Variants in PTPRD observed in about 807,000 individuals in gnomAD.
PTPRD encodes protein tyrosine phosphatase receptor type D, also known as receptor-type tyrosine-protein phosphatase delta.
Under a neutral mutation model 214.5 loss-of-function variants are expected in PTPRD, and 34 were observed. The observed-to-expected ratio is 0.16, with a 90% confidence interval of 0.12 to 0.21. The LOEUF is 0.21. Ranked by LOEUF, PTPRD falls within the 10% of genes least tolerant of loss-of-function variation. The pLI is 1.00. For synonymous variants in PTPRD, 1,128 were observed against 845.7 expected (o/e 1.33, Z -5.79); for missense variants, 2,545 against 2,398.7 (o/e 1.06, Z -1.27).
chr9:9,510,568 T>C lies in PTPRD; in HGVS notation c.-237+64164A>G, dbSNP rs2096676834. 4.0e-5 allele frequency among the ~76,000 whole-genome samples: 6 copies of C among 151,740 alleles called. No homozygotes were observed. In the South Asian group the frequency reaches 1.2e-3, roughly 31 times the overall value. ...TCAAAATATTCAGTCTCAAAAAGAA[T>C]GCTTCTGCTTTAAAAAAAGTTTGGT... is the stretch of plus-strand genomic sequence containing the variant. On this transcript the variant is annotated intron_variant, in intron 8 of 45. Coordinates refer to ENST00000381196, the MANE Select transcript of PTPRD (RefSeq NM_002839.4).
rs79381208 is a variant in PTPRD, at chr9:10,188,827, A to G, written c.-545+152136T>C. Among the ~76,000 whole-genome samples, 391 of 152,240 alleles carry G rather than the reference A, an allele frequency of 2.6e-3. 1 individual carries two copies. The highest frequency in any genetic ancestry group is 9.0e-3 in the African/African-American group (372 of 41,546). Reference sequence around the variant, plus strand: ...TACAAAAGACACTATGAGTACAACAATTGTATCAGTTATTTATGAGGCAAA... The same window carrying G: ...TACAAAAGACACTATGAGTACAACAGTTGTATCAGTTATTTATGAGGCAAA... On this transcript the variant is annotated intron_variant, in intron 3 of 45. Coordinates refer to ENST00000381196, the MANE Select transcript of PTPRD (RefSeq NM_002839.4).
intron 11 of PTPRD, among the ~76,000 whole-genome samples, chr9:8,749,258 A>G (rs1410196037): frequency 6.6e-6 from 1 of 152,088 alleles, no homozygotes; most frequent in Non-Finnish European, 1.5e-5. Flanking sequence ...CTCAGCTCCC[A>G]GCAATTTCCG....
intron 14 of PTPRD, among the ~76,000 whole-genome samples, chr9:8,625,109 C>T (rs879406079): frequency 5.3e-5 from 8 of 151,620 alleles, no homozygotes; most frequent in African/African-American, 1.5e-4. Context: ...AAGAGGTATA[C>T]AGGATAAAAG....
intron 14 of PTPRD, among the ~76,000 whole-genome samples, chr9:8,567,199 T>C (rs1011634012): frequency 6.6e-6 from 1 of 152,238 alleles, no homozygotes; most frequent in African/African-American, 2.4e-5. Context: ...GGTTCCATGA[T>C]GAATTTGGCG....
chr9:9,450,164 T>G (rs1465581134), intron 8 of PTPRD, among the ~76,000 whole-genome samples: 2 of 151,608 alleles, frequency 1.3e-5, no homozygotes, highest in African/African-American at 4.8e-5. Context: ...TTATCCACTC[T>G]GATTGATGGG....
intron 8 of PTPRD, among the ~76,000 whole-genome samples, chr9:9,544,318 G>A (rs913761081): frequency 5.9e-5 from 9 of 151,380 alleles, no homozygotes; most frequent in African/African-American, 2.2e-4. Context: ...TTATTTTTAG[G>A]TTTCCTTATC....
At chr9:8,706,407 G>T (rs1292527408) in intron 12 of PTPRD, among the ~76,000 whole-genome samples, 1 of 152,148 alleles carries the variant, frequency 6.6e-6, no homozygotes, top group Non-Finnish European at 1.5e-5. Flanking sequence ...ACTTGAAATA[G>T]CTTTATGGAA....
chr9:8,558,392 C>G (rs1237801688), intron 14 of PTPRD, among the ~76,000 whole-genome samples: 1 of 152,176 alleles, frequency 6.6e-6, no homozygotes, highest in Non-Finnish European at 1.5e-5. Flanking sequence ...ACTCTCCCTC[C>G]TTTCTTCCCT....
At chr9:8,423,957 G>C (rs1381395987) in intron 35 of PTPRD, among the ~76,000 whole-genome samples, 2 of 152,036 alleles carry the variant, frequency 1.3e-5, no homozygotes, top group Non-Finnish European at 2.9e-5. Context: ...TGTTTGACAA[G>C]CTTAGGATGG....
chr9:9,871,298 G>T (rs2065348707), intron 5 of PTPRD, among the ~76,000 whole-genome samples: 2 of 152,068 alleles, frequency 1.3e-5, no homozygotes, highest in African/African-American at 4.8e-5. Flanking sequence ...AGACCAAAAG[G>T]GTAGGTAATG....
intron 12 of PTPRD, among the ~76,000 whole-genome samples, chr9:8,715,720 C>A (rs746803431): frequency 3.3e-5 from 5 of 152,166 alleles, no homozygotes; most frequent in Non-Finnish European, 7.3e-5. Flanking sequence ...ATTGATATTC[C>A]TAATTAGTGT....
intron 9 of PTPRD, among the ~76,000 whole-genome samples, chr9:9,344,682 T>C (rs866508511): frequency 4.6e-5 from 7 of 152,164 alleles, no homozygotes; most frequent in Middle Eastern, 3.4e-3. Context: ...CTTTTAACTT[T>C]TAAAAACTTT....
At chr9:10,167,466 T>C (rs1011155207) in intron 3 of PTPRD, among the ~76,000 whole-genome samples, 1 of 152,198 alleles carries the variant, frequency 6.6e-6, no homozygotes, top group African/African-American at 2.4e-5. Context: ...TATTACAAAG[T>C]ACAGGAGATC....
At chr9:9,296,476 A>G (rs370019579) in intron 9 of PTPRD, among the ~76,000 whole-genome samples, 5 of 151,930 alleles carry the variant, frequency 3.3e-5, no homozygotes, top group East Asian at 3.9e-4. Context: ...GTAGCAATGC[A>G]TTATTTTAAT....
At chr9:9,587,711 T>A (rs1189849706) in intron 7 of PTPRD, among the ~76,000 whole-genome samples, 1 of 151,902 alleles carries the variant, frequency 6.6e-6, no homozygotes, top group Non-Finnish European at 1.5e-5. Flanking sequence ...GTTCTGGGGA[T>A]CTGGATGGAG....
intron 5 of PTPRD, among the ~76,000 whole-genome samples, chr9:9,825,910 T>C (rs990163351): frequency 1.2e-4 from 18 of 151,776 alleles, no homozygotes; most frequent in African/African-American, 4.1e-4. Flanking sequence ...TTCTTTAAGA[T>C]CTATTATTTT....
At chr9:8,433,197 A>C (rs985399004) in intron 35 of PTPRD, among the ~76,000 whole-genome samples, 10 of 152,220 alleles carry the variant, frequency 6.6e-5, no homozygotes, top group Admixed American at 5.9e-4. Context: ...GGGATGTGGT[A>C]GCTGTCGTAA....
chr9:9,591,127 C>T (rs528971812), intron 7 of PTPRD, among the ~76,000 whole-genome samples: 5 of 151,204 alleles, frequency 3.3e-5, no homozygotes, highest in Non-Finnish European at 5.9e-5. Flanking sequence ...CTGGGTAGGC[C>T]CATTCTAATC....
chr9:9,273,361 T>C (rs1943701904), intron 9 of PTPRD, among the ~76,000 whole-genome samples: 1 of 151,242 alleles, frequency 6.6e-6, no homozygotes, highest in South Asian at 2.1e-4. Context: ...AAAATAATTA[T>C]TAAAATTGTG....
Sources: allele counts gnomAD v4.1 joint callset (sites outside exome capture counted in the v4.1 genomes callset), GRCh38; gene constraint gnomAD v4.1.1; transcripts MANE v1.5; gene names NCBI Gene and HGNC (gene_info 2026-07-23, HGNC 2026-07-21).